NKAIN2: variants seen among roughly 807,000 people sequenced by gnomAD.
NKAIN2 encodes sodium/potassium-transporting ATPase subunit beta-1-interacting protein 2.
Under a neutral mutation model 32.6 loss-of-function variants are expected in NKAIN2, and 14 were observed. The observed-to-expected ratio is 0.43, with a 90% CI of 0.28 to 0.67. NKAIN2 has a LOEUF of 0.67. Among genes scored for constraint, NKAIN2 ranks in the 30% least tolerant of loss-of-function variants. The probability of loss-of-function intolerance (pLI) is 0.17; values close to 1 mark genes in which losing one functional copy is unlikely to be tolerated. For missense variants in NKAIN2, 198 were observed against 258.3 expected (o/e 0.77, Z 1.60); for synonymous variants, 80 against 87.2 (o/e 0.92, Z 0.46).
intron 2 of NKAIN2, among the ~76,000 whole-genome samples, chr6:124,333,218 T>A (rs1424969069): frequency 1.3e-5 from 2 of 152,186 alleles, no homozygotes; most frequent in African/African-American, 4.8e-5. Flanking sequence ...CTTTTCTTTT[T>A]AATCAAAAAC....
chr6:124,174,458 A>G (rs1477465766), intron 1 of NKAIN2, among the ~76,000 whole-genome samples: 1 of 152,212 alleles, frequency 6.6e-6, no homozygotes, highest in African/African-American at 2.4e-5. Flanking sequence ...CCTAAGTACA[A>G]TGAAGAAAAA....
At chr6:123,950,998 T>C (rs1199553954) in intron 1 of NKAIN2, among the ~76,000 whole-genome samples, 1 of 151,978 alleles carries the variant, frequency 6.6e-6, no homozygotes, top group Non-Finnish European at 1.5e-5. Flanking sequence ...GGTTTTTATT[T>C]ATGTCAAGAA....
chr6:124,298,144 A>G (rs573013041), intron 2 of NKAIN2, among the ~76,000 whole-genome samples: 7 of 152,178 alleles, frequency 4.6e-5, no homozygotes, highest in Non-Finnish European at 1.0e-4. Flanking sequence ...CACCTCATCT[A>G]GGAGTCAAAA....
At chr6:124,112,204 G>A (rs947484864) in intron 1 of NKAIN2, among the ~76,000 whole-genome samples, 1 of 151,924 alleles carries the variant, frequency 6.6e-6, no homozygotes, top group African/African-American at 2.4e-5. Flanking sequence ...TTTTCATTTT[G>A]AATTGAAGAA....
At chr6:123,940,877 C>A (rs927197048) in intron 1 of NKAIN2, among the ~76,000 whole-genome samples, 5 of 151,844 alleles carry the variant, frequency 3.3e-5, no homozygotes, top group Non-Finnish European at 5.9e-5. Flanking sequence ...ATAAATTAAC[C>A]TTAGCTTGCT....
intron 1 of NKAIN2, among the ~76,000 whole-genome samples, chr6:124,249,193 A>T (rs761311783): frequency 6.6e-6 from 1 of 152,098 alleles, no homozygotes; most frequent in African/African-American, 2.4e-5. Flanking sequence ...ACCTCTTTCA[A>T]TGGATTAGTC....
rs1582898557 is a variant in NKAIN2 at position 124,235,814 on chromosome 6, T to G, written c.55-47191T>G. On this transcript the variant is annotated intron_variant, in intron 1 of 6. Transcript: ENST00000368417. ...GGGTTTCACCATGTTGGCCAGGCTG[T>G]TCTCAAACTCCTGACCTCATGATCC... is the stretch of plus-strand genomic sequence containing the variant. 2.0e-5 allele frequency among the ~76,000 whole-genome samples: 3 copies of G among 151,718 alleles called. No individual in the cohort carries two copies. In the South Asian group the frequency reaches 6.2e-4, roughly 32 times the overall value.
chr6:124,414,540 C>T lies in NKAIN2; in HGVS notation c.273+59193C>T, dbSNP rs183921752. The stretch of plus-strand genomic sequence containing the variant: ...TAGAAGGAATTGGGAGATAGTCCTT[C>T]CACTTAAATTTTCTGTAAGACTGTT... On this transcript the variant is annotated intron_variant, in intron 3 of 6. Coordinates refer to ENST00000368417, the MANE Select transcript of NKAIN2 (RefSeq NM_001040214.3). Among the ~76,000 whole-genome samples, 273 of 152,232 alleles carry T rather than the reference C, an allele frequency of 1.8e-3. 2 individuals carry two copies. Among genetic ancestry groups the T allele is most frequent in the South Asian group, 6.0e-3 (29 of 4,826 alleles).
chr6:123,912,573 A>G (rs1270823742), intron 1 of NKAIN2, among the ~76,000 whole-genome samples: 1 of 152,146 alleles, frequency 6.6e-6, no homozygotes, highest in Non-Finnish European at 1.5e-5. Flanking sequence ...GTAAATGTGT[A>G]ATTTTATGTG....
chr6:123,864,766 G>A (rs1384910192), intron 1 of NKAIN2, among the ~76,000 whole-genome samples: 3 of 152,160 alleles, frequency 2.0e-5, no homozygotes, highest in Non-Finnish European at 4.4e-5. Flanking sequence ...TCAATAAATT[G>A]AGTGTAATCA....
At chr6:124,304,494 A>C (rs1350406529) in intron 2 of NKAIN2, among the ~76,000 whole-genome samples, 1 of 152,234 alleles carries the variant, frequency 6.6e-6, no homozygotes, top group African/African-American at 2.4e-5. Context: ...AGACTTAAGA[A>C]GTATAGTTAG....
At chr6:124,213,220 A>T (rs1362740591) in intron 1 of NKAIN2, among the ~76,000 whole-genome samples, 4 of 152,136 alleles carry the variant, frequency 2.6e-5, no homozygotes, top group Non-Finnish European at 4.4e-5. Context: ...ACCTTGTATC[A>T]TAGTAATTTA....
chr6:124,437,212 A>T (rs1775484637), intron 3 of NKAIN2, among the ~76,000 whole-genome samples: 1 of 152,218 alleles, frequency 6.6e-6, no homozygotes. Flanking sequence ...ATGTATTAAG[A>T]TGACTTACCC....
chr6:124,654,086 T>C (rs1189533043), intron 3 of NKAIN2, among the ~76,000 whole-genome samples: 2 of 152,140 alleles, frequency 1.3e-5, no homozygotes, highest in Non-Finnish European at 2.9e-5. Context: ...ACACATTTCA[T>C]ACTAGAAATA....
At position 124,408,610 on chromosome 6, in the gene NKAIN2, A is replaced by T. The variant is rs1273971349; in HGVS notation, c.273+53263A>T. Among the ~76,000 whole-genome samples the T allele has an allele frequency of 3.9e-5, 6 of 152,052 alleles. No homozygotes were observed. The East Asian group carries it at 9.7e-4, about 25-fold the overall frequency. On this transcript the variant is annotated intron_variant, in intron 3 of 6. Transcript: ENST00000368417. ...TTTTGGTTACTGTAGCCTTGTAGTAAAGTTTGAAGTCAGGTAGTGTGATGC... is the reference window on the plus strand; with the variant it reads ...TTTTGGTTACTGTAGCCTTGTAGTATAGTTTGAAGTCAGGTAGTGTGATGC...
intron 1 of NKAIN2, among the ~76,000 whole-genome samples, chr6:124,161,742 T>C (rs1283684571): frequency 3.9e-5 from 6 of 152,146 alleles, no homozygotes; most frequent in South Asian, 2.1e-4. Context: ...GAGCTAAACA[T>C]TGAGTACTTG....
intron 3 of NKAIN2, among the ~76,000 whole-genome samples, chr6:124,356,499 T>C (rs1398750592): frequency 6.6e-6 from 1 of 152,244 alleles, no homozygotes; most frequent in East Asian, 1.9e-4. Context: ...TTCTTGGATG[T>C]GTAATTTTAT....
intron 4 of NKAIN2, among the ~76,000 whole-genome samples, chr6:124,698,412 G>A (rs1022044792): frequency 1.2e-4 from 18 of 152,290 alleles, no homozygotes; most frequent in Admixed American, 9.2e-4. Context: ...GTGAAAGTCT[G>A]TGTTACCCTG....
At chr6:124,319,823 A>G (rs565903006) in intron 2 of NKAIN2, among the ~76,000 whole-genome samples, 68 of 151,758 alleles carry the variant, frequency 4.5e-4, no homozygotes, top group Middle Eastern at 3.4e-3. Context: ...ACCAATGTCA[A>G]CTCTTTTTAA....
Sources: gnomAD v4.1 joint callset for allele counts (sites outside exome capture counted in the v4.1 genomes callset) on GRCh38, gnomAD v4.1.1 for gene constraint, MANE v1.5 for transcripts, NCBI Gene and HGNC (gene_info 2026-07-23, HGNC 2026-07-21) for gene names.